Variants in KIDINS220 observed in about 807,000 individuals in gnomAD.
KIDINS220 encodes the protein kinase D-interacting substrate of 220 kDa.
Under a neutral mutation model 157.6 loss-of-function variants are expected in KIDINS220, and 63 were observed. The ratio of observed to expected loss-of-function variants is 0.40; its 90% CI spans 0.33 to 0.49. The LOEUF (loss-of-function observed/expected upper bound fraction) is 0.49, where lower values mean the gene tolerates loss of function less well. KIDINS220 is among the 20% of genes least tolerant of loss of function. KIDINS220 has a pLI of 0.66. For synonymous variants in KIDINS220, 732 were observed against 783.6 expected (o/e 0.93, Z 1.10); for missense variants, 1,772 against 2,171.2 (o/e 0.82, Z 3.65).
chr2:8,764,060 C>G (rs891021349), intron 22 of KIDINS220, among the ~76,000 whole-genome samples: 1 of 152,150 alleles, frequency 6.6e-6, no homozygotes, highest in Admixed American at 6.5e-5. Context: ...TACTACTCAG[C>G]CATTAAAAGG....
At position 8,731,486 on chromosome 2, in the gene KIDINS220, T is replaced by C. The variant is rs767717573; in HGVS notation, c.4550A>G (p.Gln1517Arg). The change falls in exon 30 of 30, where the codon CAA (glutamine) becomes CGA (arginine). Residue 1517 changes from glutamine (Q) to arginine (R), a missense_variant. Coordinates refer to ENST00000256707, the MANE Select transcript of KIDINS220 (RefSeq NM_020738.4). This position sits in a 1 kb window ranked among gnomAD's most constrained non-coding sequence, Gnocchi z 5.2. Reference protein sequence around the residue: ...LKLKGSGLRYQKLPSDEDESG... With the variant: ...LKLKGSGLRYRKLPSDEDESG... ...TTCATCCTCGTCACTTGGGAGTTTT[T>C]GATAGCGCAGCCCACTTCCCTTAAG... 21 of 1,614,122 alleles carry C rather than the reference T, an allele frequency of 1.3e-5. No individual in the cohort carries two copies. In the African/African-American group the frequency reaches 2.3e-4, roughly 17 times the overall value.
chr2:8,790,019 G>A lies in KIDINS220; in HGVS notation c.1482C>T (p.Leu494=), dbSNP rs747993935. 1.4e-5 allele frequency: 22 copies of A among 1,608,176 alleles called. No individual in the cohort carries two copies. Among genetic ancestry groups the A allele is most frequent in the Non-Finnish European group, 4.2e-6 (5 of 1,178,654 alleles). The change falls in exon 14 of 30, where the codon CTC becomes CTT. Residue 494 remains leucine (L), a synonymous_variant. Transcript: ENST00000256707. Reference sequence around the variant, plus strand: ...ACACTATGAGCCATGAGAACTGAAAGAGAGGCTCAATCTGTTGTCCGGCGA... The same window carrying A: ...ACACTATGAGCCATGAGAACTGAAAAAGAGGCTCAATCTGTTGTCCGGCGA... The part of the protein sequence containing the change: ...KTFAGQQIEP[L]FQFSWLIVFL...
chr2:8,732,804 C>CT (rs1664323383), intron 29 of KIDINS220, among the ~76,000 whole-genome samples: 1 of 152,096 alleles, frequency 6.6e-6, no homozygotes, highest in Non-Finnish European at 1.5e-5. Flanking sequence ...TCGCTGCCGC[C>CT]CGCTGTGCCT....
Position 8,800,474 on chromosome 2 carries a change from C to T in KIDINS220, c.826G>A (p.Ala276Thr), listed in dbSNP as rs988547001. 5.6e-6 allele frequency: 9 copies of T among 1,612,400 alleles called. No homozygotes were observed. Among genetic ancestry groups the T allele is most frequent in the African/African-American group, 1.3e-5 (1 of 74,832 alleles). Residue 276 changes from alanine to threonine, a missense_variant, in exon 9 of 30, where the codon GCT becomes ACT. This residue lies in a region of KIDINS220 where 725 missense variants were observed against 1,017.1 expected (regional missense o/e 0.71). Transcript: ENST00000256707. ...DRSGDTVLIG[A>T]VRGGHVEIVR... ...ATTTCAACATGACCACCTCTGACAGCGCCAATCAACACAGTATCCCCACTC... is the reference window on the plus strand; with the variant it reads ...ATTTCAACATGACCACCTCTGACAGTGCCAATCAACACAGTATCCCCACTC...
chr2:8,835,263 T>A (rs1024236026), intron 1 of KIDINS220, among the ~76,000 whole-genome samples: 1 of 152,196 alleles, frequency 6.6e-6, no homozygotes, highest in Admixed American at 6.5e-5. Context: ...AATAACTGCA[T>A]AGGTATGCTA....
At chr2:8,732,620 AAAG>A (rs1201142554) in intron 29 of KIDINS220, among the ~76,000 whole-genome samples, 1 of 152,236 alleles carries the variant, frequency 6.6e-6, no homozygotes, top group Non-Finnish European at 1.5e-5. Flanking sequence ...AGATGAGGAA[AAAG>A]AAGGAGAAGA....
At chr2:8,747,434 G>T in intron 25 of KIDINS220, 3 of 547,046 alleles carry the variant, frequency 5.5e-6, no homozygotes, top group South Asian at 2.3e-5. Context: ...AGATTCAATA[G>T]TTCATTGGAA....
chr2:8,779,495 C>G (rs144047575), intron 18 of KIDINS220, among the ~76,000 whole-genome samples, 179 bp downstream of exon 18: 2 of 152,306 alleles, frequency 1.3e-5, no homozygotes, highest in African/African-American at 4.8e-5. Flanking sequence ...TGTGACTAAA[C>G]ATTTATTCTT....
intron 3 of KIDINS220, among the ~76,000 whole-genome samples, chr2:8,818,362 AATG>A (rs1677390713): frequency 6.6e-6 from 1 of 152,138 alleles, no homozygotes; most frequent in African/African-American, 2.4e-5. Flanking sequence ...TATCGCATGT[AATG>A]ATATTATTTA....
chr2:8,757,608 C>T, intron 22 of KIDINS220: 1 of 1,590,422 alleles, frequency 6.3e-7, no homozygotes, highest in Non-Finnish European at 8.6e-7. Flanking sequence ...CATTTTCAGT[C>T]CTTCGAGGCA....
intron 1 of KIDINS220, among the ~76,000 whole-genome samples, chr2:8,829,842 T>C (rs1219832155): frequency 6.6e-6 from 1 of 152,014 alleles, no homozygotes; most frequent in African/African-American, 2.4e-5. Flanking sequence ...CACCAACACC[T>C]ACCTTCATTT....
At chr2:8,736,343 A>G (rs1380971636) in intron 27 of KIDINS220, among the ~76,000 whole-genome samples, 1 of 152,246 alleles carries the variant, frequency 6.6e-6, no homozygotes, top group Non-Finnish European at 1.5e-5. Context: ...GAAGAAAAAA[A>G]AACTATGCAA....
intron 13 of KIDINS220, among the ~76,000 whole-genome samples, chr2:8,790,595 G>A (rs1172785271): frequency 1.3e-5 from 2 of 152,056 alleles, no homozygotes; most frequent in Non-Finnish European, 2.9e-5. Flanking sequence ...AATTTTATAG[G>A]CAATACTGAA....
Position 8,736,570 on chromosome 2 carries a change from A to G in KIDINS220, c.3717+298T>C, listed in dbSNP as rs372986503. Among the ~76,000 whole-genome samples, 4 of 152,356 alleles carry G rather than the reference A, an allele frequency of 2.6e-5. No homozygotes were observed. The South Asian group carries it at 6.2e-4, about 24-fold the overall frequency. On this transcript the variant is annotated intron_variant, in intron 27 of 29. Transcript: ENST00000256707. Reference sequence around the variant, plus strand: ...GGAAAGATGAGTTCTGTTTATCCCAATGGGAATCCCTCAGAGCTTTCTCTT... The same window carrying G: ...GGAAAGATGAGTTCTGTTTATCCCAGTGGGAATCCCTCAGAGCTTTCTCTT...
At chr2:8,727,753 A>G (rs1417610503), downstream of KIDINS220, among the ~76,000 whole-genome samples, 1 of 152,122 alleles carries the variant, frequency 6.6e-6, no homozygotes, top group Non-Finnish European at 1.5e-5. Flanking sequence ...CACTATATAA[A>G]CCCATATAAG....
chr2:8,763,614 ATTTG>A (rs1351050323), intron 22 of KIDINS220, among the ~76,000 whole-genome samples: 2 of 152,328 alleles, frequency 1.3e-5, no homozygotes, highest in Non-Finnish European at 2.9e-5. Flanking sequence ...TTCTATAAAT[ATTTG>A]TTTAATAAAT....
chr2:8,829,807 A>T (rs1162454955), intron 1 of KIDINS220, among the ~76,000 whole-genome samples: 2 of 152,152 alleles, frequency 1.3e-5, no homozygotes, highest in African/African-American at 4.8e-5. Flanking sequence ...ATTAGAAAGC[A>T]GTGAGGGTTT....
At chr2:8,797,557 T>G (rs2148307185) in intron 10 of KIDINS220, among the ~76,000 whole-genome samples, 1 of 152,290 alleles carries the variant, frequency 6.6e-6, no homozygotes, top group East Asian at 1.9e-4. Context: ...CATCACTGAT[T>G]TAGAAATTGG....
chr2:8,811,638 G>C, intron 6 of KIDINS220, among the ~76,000 whole-genome samples: 1 of 152,142 alleles, frequency 6.6e-6, no homozygotes, highest in Non-Finnish European at 1.5e-5. Flanking sequence ...GAGCCTGCAA[G>C]ACAGGCTGAA....
Sources: gnomAD v4.1 joint callset for allele counts (sites outside exome capture counted in the v4.1 genomes callset) on GRCh38, gnomAD v4.1.1 for gene constraint, gnomAD v4.1.1 regional missense constraint, Gnocchi (gnomAD v3.1) non-coding constraint, MANE v1.5 for transcripts, NCBI Gene and HGNC (gene_info 2026-07-23, HGNC 2026-07-21) for gene names.